The following WFDC5 variants were observed in gnomAD, a reference collection of about 807,000 sequenced individuals.
The protein encoded by WFDC5 is WAP four-disulfide core domain protein 5.
Under a neutral mutation model 15.7 loss-of-function variants are expected in WFDC5, and 15 were observed. That is an observed-to-expected ratio of 0.96 (90% confidence interval 0.64 to 1.47). The LOEUF (loss-of-function observed/expected upper bound fraction) is 1.47, where lower values mean the gene tolerates loss of function less well. Ranked by LOEUF, WFDC5 falls within the 40% of genes most tolerant of loss-of-function variation. WFDC5 has a pLI of 0.00. For missense variants in WFDC5, 280 were observed against 258.0 expected, an observed-to-expected ratio of 1.09 and a Z score of -0.59; for synonymous variants, 109 against 107.7, an observed-to-expected ratio of 1.01 and a Z score of -0.07.
chr20:45,115,091 C>T (rs762820938), exon 1 of WFDC5: 5 of 1,611,572 alleles, frequency 3.1e-6, no homozygotes, highest in Non-Finnish European at 4.2e-6. Context: ...CATATTTCTG[C>T]TGCCGGCTCA....
At chr20:45,112,968 GAC>G (rs1352663999) in intron 1 of WFDC5, among the ~76,000 whole-genome samples, 1 of 152,062 alleles carries the variant, frequency 6.6e-6, no homozygotes, top group Non-Finnish European at 1.5e-5. Flanking sequence ...CACACAGATA[GAC>G]ACTCAGACAC....
upstream of WFDC5, among the ~76,000 whole-genome samples, chr20:45,115,835 C>T (rs952629991): frequency 3.3e-5 from 5 of 152,174 alleles, no homozygotes; most frequent in African/African-American, 1.2e-4. Context: ...AAAATGTCAT[C>T]TCATCCAGGG....
intron 3 of WFDC5, 89 bp downstream of exon 3, chr20:45,110,311 G>C (rs1981573697): frequency 3.3e-6 from 5 of 1,526,036 alleles, no homozygotes; most frequent in Non-Finnish European, 3.5e-6. Context: ...TTCTGGGGAG[G>C]CATCCTGTTA....
At chr20:45,112,283 G>A (rs769687495) in intron 1 of WFDC5, among the ~76,000 whole-genome samples, 8 of 152,192 alleles carry the variant, frequency 5.3e-5, no homozygotes, top group Non-Finnish European at 8.8e-5. Flanking sequence ...ACGGAGCTGC[G>A]TGCACTCAAA....
chr20:45,112,172 G>A (rs1267792710), intron 1 of WFDC5, among the ~76,000 whole-genome samples: 1 of 152,154 alleles, frequency 6.6e-6, no homozygotes, highest in Non-Finnish European at 1.5e-5. Flanking sequence ...GGGGTGGTGG[G>A]GGTGATGGGA....
At chr20:45,109,921 T>A (rs1006257839) in exon 4 of WFDC5, 2 of 1,563,372 alleles carry the variant, frequency 1.3e-6, no homozygotes, top group African/African-American at 2.7e-5. Flanking sequence ...GATAGTGCTG[T>A]CCAGCGGGCA....
Position 45,110,399 on chromosome 20 carries a change from C to A in WFDC5, c.368G>T (p.Gly123Val), listed in dbSNP as rs1981577102. The A allele has an allele frequency of 1.3e-6, 2 of 1,599,668 alleles. No individual in the cohort carries two copies. Among genetic ancestry groups the A allele is most frequent in the Non-Finnish European group, 1.7e-6 (2 of 1,173,790 alleles). ...CTGCCCTGGGCACCCAGGAGCCGTA[C>A]CTCTGGCAGGATCCCGGCAATCCCG... Residue 123 changes from glycine (G) to valine (V), a missense_variant, in exon 3 of 4, where the codon GGT (glycine) becomes GTT (valine). Coordinates refer to ENST00000307971, the Ensembl canonical transcript of WFDC5.
intron 1 of WFDC5, among the ~76,000 whole-genome samples, chr20:45,111,940 G>A (rs1323186246): frequency 3.3e-5 from 5 of 152,264 alleles, no homozygotes; most frequent in South Asian, 2.1e-4. Flanking sequence ...CAAGAGTTCC[G>A]AGGGGCAGCT....
chr20:45,110,304 T>C, intron 3 of WFDC5, 96 bp downstream of exon 3: 1 of 1,524,020 alleles, frequency 6.6e-7, no homozygotes, highest in Non-Finnish European at 8.8e-7. Context: ...TCCTGACTTC[T>C]GGGGAGGCAT....
At chr20:45,114,235 G>T (rs368797619) in intron 1 of WFDC5, among the ~76,000 whole-genome samples, 3 of 152,136 alleles carry the variant, frequency 2.0e-5, no homozygotes, top group African/African-American at 7.2e-5. Context: ...GGGTTGCACA[G>T]GTGAATGTAG....
Position 45,110,769 on chromosome 20 carries a change from G to C in WFDC5, c.92C>G (p.Ser31Trp), listed in dbSNP as rs551709664. ...CCCATCATCTGGCGGGCAGCCCCCC[G>C]ATTTCTCTGTAAGAGAATCTCCTAA... The change falls in exon 2 of 4, where the codon TCG becomes TGG. Residue 31 changes from serine to tryptophan, a missense_variant. Transcript: ENST00000307971. 4 of 1,613,936 alleles carry C rather than the reference G, an allele frequency of 2.5e-6. No individual in the cohort carries two copies. The highest frequency in any genetic ancestry group is 3.4e-6 in the Non-Finnish European group (4 of 1,180,034).
chr20:45,111,274 G>A (rs760121686), intron 1 of WFDC5, among the ~76,000 whole-genome samples: 50 of 142,396 alleles, frequency 3.5e-4, no homozygotes, highest in Admixed American at 1.1e-3. Flanking sequence ...CATTAACTAG[G>A]TCAGCGCCCC....
At position 45,110,611 on chromosome 20, in the gene WFDC5, G is replaced by A. The variant is rs6031998; in HGVS notation, c.226+24C>T. 2.9e-4 allele frequency: 470 copies of A among 1,614,052 alleles called. 2 individuals are homozygous for A. In the African/African-American group the frequency reaches 5.2e-3, roughly 18 times the overall value. On this transcript the variant is annotated intron_variant, in intron 2 of 3. Transcript: ENST00000307971. ...CTGAAGCTTGGGGCTTGGATGGTCA[G>A]CAAGGTGGAGGGGAGGCATTTACCA...
chr20:45,115,951 C>T (rs976865558), upstream of WFDC5, among the ~76,000 whole-genome samples: 9 of 152,154 alleles, frequency 5.9e-5, no homozygotes, highest in South Asian at 4.1e-4. Context: ...GAAACTCCAT[C>T]GAAGTACATT....
At position 45,110,372 on chromosome 20, in the gene WFDC5, A is replaced by C. The variant is rs779934715; in HGVS notation, c.393+2T>G. 6.3e-7 allele frequency: 1 copy of C among 1,576,764 alleles called. No individual in the cohort carries two copies. Among genetic ancestry groups the C allele is most frequent in the Admixed American group, 1.9e-5 (1 of 53,600 alleles). On this transcript the variant is annotated splice_donor_variant, in intron 3 of 3. Transcript: ENST00000307971. LOFTEE classifies it high-confidence loss of function. Reference sequence around the variant, plus strand: ...AGAGCTGGGCTCGGAGAGGGGAGGCACCTGCCCTGGGCACCCAGGAGCCGT... The same window carrying C: ...AGAGCTGGGCTCGGAGAGGGGAGGCCCCTGCCCTGGGCACCCAGGAGCCGT...
chr20:45,110,358 CG>C (rs1406843313), intron 3 of WFDC5, 41 bp downstream of exon 3: 1 of 1,561,158 alleles, frequency 6.4e-7, no homozygotes, highest in African/African-American at 1.3e-5. Context: ...GAGCTGGGCT[CG>C]GAGAGGGGAG....
chr20:45,115,332 C>A (rs1981735080), upstream of WFDC5, among the ~76,000 whole-genome samples: 1 of 152,176 alleles, frequency 6.6e-6, no homozygotes, highest in Non-Finnish European at 1.5e-5. Flanking sequence ...GTATCGGTGA[C>A]TTGGGCTGTG....
intron 1 of WFDC5, 100 bp downstream of exon 1, chr20:45,114,899 A>C: frequency 1.6e-6 from 2 of 1,286,648 alleles, no homozygotes; most frequent in Non-Finnish European, 2.2e-6. Flanking sequence ...ACGCGCACAC[A>C]CACCCCACAG....
chr20:45,109,937 C>T, exon 4 of WFDC5: 4 of 1,609,764 alleles, frequency 2.5e-6, no homozygotes, highest in Non-Finnish European at 3.4e-6. Flanking sequence ...GGGCAGGGCC[C>T]CAGGCCTCCC....
Sources: gnomAD v4.1 joint callset for allele counts (sites outside exome capture counted in the v4.1 genomes callset) on GRCh38, gnomAD v4.1.1 for gene constraint, MANE v1.5 for transcripts, NCBI Gene and HGNC (gene_info 2026-07-23, HGNC 2026-07-21) for gene names.